The following CAST variants were observed in gnomAD, a reference collection of about 807,000 sequenced individuals.
CAST encodes MIR583 host.
A neutral mutation model predicts 119.6 loss-of-function variants in CAST; 76 were observed. That is an observed-to-expected ratio of 0.64 (90% CI 0.53 to 0.77). The LOEUF (loss-of-function observed/expected upper bound fraction) is 0.77, where lower values mean the gene tolerates loss of function less well. Among genes scored for constraint, CAST ranks in the 30% least tolerant of loss-of-function variants. CAST has a pLI of 0.00. For synonymous variants in CAST, 319 were observed against 331.6 expected (o/e 0.96, Z 0.41); for missense variants, 953 against 946.5 (o/e 1.01, Z -0.09).
chr5:96,035,100 T>A, the CAST span, among the ~76,000 whole-genome samples: 4 of 144,382 alleles, frequency 2.8e-5, no homozygotes, highest in South Asian at 8.5e-4. Flanking sequence ...TAAGTATATA[T>A]ATACTTCAAG....
chr5:96,357,017 G>A, the CAST span, among the ~76,000 whole-genome samples: 2 of 152,114 alleles, frequency 1.3e-5, no homozygotes, highest in African/African-American at 4.8e-5. Flanking sequence ...TTGAGCAGTG[G>A]TTTGTAATTC....
chr5:96,159,208 C>T, the CAST span, among the ~76,000 whole-genome samples: 1 of 152,170 alleles, frequency 6.6e-6, no homozygotes, highest in Non-Finnish European at 1.5e-5. Context: ...CAGATATGGT[C>T]AAGGCATTTG....
the CAST span, among the ~76,000 whole-genome samples, chr5:95,985,901 A>T: frequency 6.6e-6 from 1 of 152,096 alleles, no homozygotes; most frequent in Non-Finnish European, 1.5e-5. Flanking sequence ...TTCTGCCGTT[A>T]TTTTCTTTGA....
At chr5:96,409,607 T>C in the CAST span, among the ~76,000 whole-genome samples, 1 of 152,230 alleles carries the variant, frequency 6.6e-6, no homozygotes, top group Non-Finnish European at 1.5e-5. Context: ...AGGAACAGTC[T>C]GTGAAATGGT....
the CAST span, among the ~76,000 whole-genome samples, chr5:96,253,724 AAAAT>A: frequency 4.9e-4 from 74 of 152,246 alleles, no homozygotes; most frequent in Middle Eastern, 3.4e-3. Context: ...GAAAAGAAGG[AAAAT>A]AAATATTGTT....
At chr5:96,143,652 C>T in the CAST span, among the ~76,000 whole-genome samples, 1 of 152,172 alleles carries the variant, frequency 6.6e-6, no homozygotes, top group Non-Finnish European at 1.5e-5. Flanking sequence ...TAAACATTTA[C>T]TTTAATGAGG....
chr5:96,159,978 A>G, the CAST span, among the ~76,000 whole-genome samples: 1 of 151,808 alleles, frequency 6.6e-6, no homozygotes, highest in Non-Finnish European at 1.5e-5. Flanking sequence ...AAAAAAAAAA[A>G]AAAAATCAAA....
At chr5:96,601,026 G>A (rs1484860161) in intron 1 of CAST, among the ~76,000 whole-genome samples, 2 of 151,642 alleles carry the variant, frequency 1.3e-5, no homozygotes, top group African/African-American at 4.9e-5. Flanking sequence ...CTCCCCCTCC[G>A]CTATCTATCT....
chr5:96,423,884 A>C, the CAST span, among the ~76,000 whole-genome samples: 1 of 152,166 alleles, frequency 6.6e-6, no homozygotes, highest in Admixed American at 6.5e-5. Context: ...GTGCATAGTC[A>C]TTCATGAATG....
intron 1 of CAST, among the ~76,000 whole-genome samples, chr5:96,665,341 G>T (rs1467916966): frequency 6.6e-6 from 1 of 152,138 alleles, no homozygotes. Context: ...ATTTCATCAT[G>T]TAATCAGTGT....
chr5:96,164,589 C>T, the CAST span, among the ~76,000 whole-genome samples: 23 of 152,298 alleles, frequency 1.5e-4, no homozygotes, highest in African/African-American at 5.3e-4. Flanking sequence ...TGAATACCCA[C>T]TCTGTGCCAG....
chr5:96,049,603 G>A, the CAST span, among the ~76,000 whole-genome samples: 1 of 152,246 alleles, frequency 6.6e-6, no homozygotes, highest in East Asian at 1.9e-4. Context: ...GGCAGATGGT[G>A]ATGTAATTTA....
the CAST span, among the ~76,000 whole-genome samples, chr5:96,106,033 G>C: frequency 6.6e-6 from 1 of 152,124 alleles, no homozygotes; most frequent in Non-Finnish European, 1.5e-5. Context: ...AGAGGTGTTT[G>C]TAGCATTCTC....
chr5:96,610,596 C>A (rs1747343069), intron 1 of CAST, among the ~76,000 whole-genome samples: 1 of 152,112 alleles, frequency 6.6e-6, no homozygotes, highest in African/African-American at 2.4e-5. Flanking sequence ...ACATTTCCCT[C>A]AAGAGCTGGA....
chr5:96,270,041 C>T, the CAST span, among the ~76,000 whole-genome samples: 12 of 152,192 alleles, frequency 7.9e-5, no homozygotes, highest in East Asian at 1.2e-3. Context: ...GATCATTTAT[C>T]GTGATCAAGT....
chr5:96,156,841 G>A, the CAST span, among the ~76,000 whole-genome samples: 2 of 152,132 alleles, frequency 1.3e-5, no homozygotes, highest in Non-Finnish European at 2.9e-5. Flanking sequence ...AATCCCTCCA[G>A]ACCCAGTTTT....
chr5:96,605,407 G>T (rs1747234941), intron 1 of CAST, among the ~76,000 whole-genome samples: 1 of 152,216 alleles, frequency 6.6e-6, no homozygotes, highest in Non-Finnish European at 1.5e-5. Context: ...AGATCACACA[G>T]CTGATAATGT....
the CAST span, among the ~76,000 whole-genome samples, chr5:96,316,513 T>A: frequency 1.3e-5 from 2 of 152,194 alleles, no homozygotes; most frequent in Non-Finnish European, 2.9e-5. Flanking sequence ...AATGTTACCA[T>A]GGGAAGCACG....
At chr5:96,302,058 C>T in the CAST span, among the ~76,000 whole-genome samples, 11 of 152,184 alleles carry the variant, frequency 7.2e-5, no homozygotes, top group Non-Finnish European at 1.2e-4. Flanking sequence ...CATTTCCATA[C>T]GACCTCTGAA....
Sources: gnomAD v4.1 joint callset for allele counts (sites outside exome capture counted in the v4.1 genomes callset) on GRCh38, gnomAD v4.1.1 for gene constraint, MANE v1.5 for transcripts, NCBI Gene and HGNC (gene_info 2026-07-23, HGNC 2026-07-21) for gene names.